PRKN: variants seen among roughly 807,000 people sequenced by gnomAD.
PRKN encodes the protein parkin RBR E3 ubiquitin protein ligase.
In PRKN, 56 loss-of-function variants were observed where a neutral mutation model predicts 59.5. The observed-to-expected ratio is 0.94, with a 90% CI of 0.76 to 1.18. The LOEUF is 1.18. Among genes scored for constraint, PRKN ranks in the 50% most tolerant of loss-of-function variants. The pLI, the probability that PRKN is intolerant of heterozygous loss-of-function variation, is 0.00. For missense variants in PRKN, 657 were observed against 596.4 expected (o/e 1.10, Z -1.06); for synonymous variants, 250 against 222.1 (o/e 1.13, Z -1.12).
At chr6:162,646,112 A>C (rs983683536) in intron 1 of PRKN, among the ~76,000 whole-genome samples, 1 of 151,216 alleles carries the variant, frequency 6.6e-6, no homozygotes, top group Admixed American at 6.6e-5. Flanking sequence ...GACCTCGTAA[A>C]CCGCCCGCCT....
At chr6:161,929,517 CTTTTT>C (rs759945931) in intron 6 of PRKN, among the ~76,000 whole-genome samples, 2 of 72,272 alleles carry the variant, frequency 2.8e-5, no homozygotes, top group Non-Finnish European at 5.0e-5. Context: ...AATTTCACCT[CTTTTT>C]TTTTTTTTTT....
At chr6:162,148,431 TA>T (rs1421399748) in intron 4 of PRKN, among the ~76,000 whole-genome samples, 1 of 151,292 alleles carries the variant, frequency 6.6e-6, no homozygotes, top group Admixed American at 6.6e-5. Flanking sequence ...GTGAGAAAAC[TA>T]AACTATCAAG....
At chr6:162,183,631 A>T (rs978303610) in intron 4 of PRKN, among the ~76,000 whole-genome samples, 5 of 152,190 alleles carry the variant, frequency 3.3e-5, no homozygotes, top group African/African-American at 1.2e-4. Flanking sequence ...TGGTGATAAA[A>T]CTATAAGTTG....
chr6:162,133,314 A>T (rs555358905), intron 4 of PRKN, among the ~76,000 whole-genome samples: 3 of 152,322 alleles, frequency 2.0e-5, no homozygotes, highest in Admixed American at 2.0e-4. Flanking sequence ...AGCGTCAGCA[A>T]CGCTGCTGAT....
intron 2 of PRKN, among the ~76,000 whole-genome samples, chr6:162,383,701 G>C (rs1370820847): frequency 6.6e-6 from 1 of 152,182 alleles, no homozygotes; most frequent in African/African-American, 2.4e-5. Context: ...TTGAAGCCAT[G>C]CATTGATTTT....
At chr6:162,504,249 C>A (rs1793507014) in intron 1 of PRKN, among the ~76,000 whole-genome samples, 1 of 152,184 alleles carries the variant, frequency 6.6e-6, no homozygotes, top group African/African-American at 2.4e-5. Context: ...GCTGAGCATA[C>A]TTGCTAATAC....
chr6:161,677,698 T>A (rs1562601048), intron 7 of PRKN, among the ~76,000 whole-genome samples: 2 of 152,158 alleles, frequency 1.3e-5, no homozygotes, highest in Admixed American at 6.5e-5. Flanking sequence ...GTTGAAATTT[T>A]AAAAAATTTC....
chr6:161,919,442 A>G (rs73024539), intron 6 of PRKN, among the ~76,000 whole-genome samples: 12,842 of 152,278 alleles, frequency 0.084, 842 homozygotes, highest in East Asian at 0.34. Context: ...TTGCCCAATT[A>G]TAAATGTGTA....
At position 161,674,157 on chromosome 6, in the gene PRKN, G is replaced by A. The variant is rs544120169; in HGVS notation, c.872-104741C>T. Among the ~76,000 whole-genome samples, 21 of 152,230 alleles carry A rather than the reference G, an allele frequency of 1.4e-4. No individual in the cohort carries two copies. In the South Asian group the frequency reaches 1.5e-3, roughly 11 times the overall value. On this transcript the variant is annotated intron_variant, in intron 7 of 11. Coordinates refer to ENST00000366898, the MANE Select transcript of PRKN (RefSeq NM_004562.3). ...AGACTAAGCCCCAGGGAATCACAAC[G>A]TTTAGACTGAGTTCTGGGCTGGGAG...
At chr6:162,219,082 T>C (rs1777823490) in intron 3 of PRKN, among the ~76,000 whole-genome samples, 1 of 152,142 alleles carries the variant, frequency 6.6e-6, no homozygotes, top group Non-Finnish European at 1.5e-5. Flanking sequence ...CCCAGCTACT[T>C]GGCAGGCTGA....
intron 9 of PRKN, among the ~76,000 whole-genome samples, chr6:161,478,962 A>G (rs1791257432): frequency 6.6e-6 from 1 of 152,268 alleles, no homozygotes; most frequent in Non-Finnish European, 1.5e-5. Flanking sequence ...TTAAACAAAT[A>G]ATGATATTTC....
chr6:161,872,677 A>G (rs1794390312), intron 6 of PRKN, among the ~76,000 whole-genome samples: 1 of 151,850 alleles, frequency 6.6e-6, no homozygotes, highest in Non-Finnish European at 1.5e-5. Context: ...CAGCTCCATA[A>G]AGTGTCCTAG....
At chr6:162,687,003 CTTTTTTA>C (rs1211245407) in intron 1 of PRKN, among the ~76,000 whole-genome samples, 1 of 151,722 alleles carries the variant, frequency 6.6e-6, no homozygotes, top group African/African-American at 2.4e-5. Context: ...TTAGGCTTTG[CTTTTTTA>C]TTTTTTATTT....
At chr6:162,426,736 C>G (rs1007976602) in intron 2 of PRKN, among the ~76,000 whole-genome samples, 2 of 152,212 alleles carry the variant, frequency 1.3e-5, no homozygotes, top group African/African-American at 4.8e-5. Flanking sequence ...CATGAGCCAC[C>G]ATACCCAGCC....
At chr6:161,523,101 G>T (rs1409085733) in intron 9 of PRKN, among the ~76,000 whole-genome samples, 3 of 151,834 alleles carry the variant, frequency 2.0e-5, no homozygotes, top group Admixed American at 6.6e-5. Flanking sequence ...TTATGTTTTG[G>T]TACATACTTT....
intron 1 of PRKN, among the ~76,000 whole-genome samples, chr6:162,467,801 C>A (rs1416650962): frequency 6.7e-6 from 1 of 150,152 alleles, no homozygotes; most frequent in African/African-American, 2.5e-5. Context: ...CCAGCCTCAA[C>A]CCCCTGTCAC....
intron 7 of PRKN, among the ~76,000 whole-genome samples, chr6:161,742,030 C>T (rs967970699): frequency 6.6e-5 from 10 of 152,026 alleles, no homozygotes; most frequent in African/African-American, 2.4e-4. Flanking sequence ...AGTGCAGTGG[C>T]ACGATCTTGG....
intron 7 of PRKN, among the ~76,000 whole-genome samples, chr6:161,611,216 T>A (rs965480334): frequency 6.6e-6 from 1 of 152,162 alleles, no homozygotes; most frequent in Non-Finnish European, 1.5e-5. Flanking sequence ...GTGGAAATAA[T>A]GTGAGTCTAT....
chr6:162,507,715 T>C (rs1048244386), intron 1 of PRKN, among the ~76,000 whole-genome samples: 6 of 152,184 alleles, frequency 3.9e-5, no homozygotes, highest in African/African-American at 1.4e-4. Flanking sequence ...ATTATTTGAG[T>C]GATCATTTGA....
Sources: allele counts gnomAD v4.1 joint callset (sites outside exome capture counted in the v4.1 genomes callset), GRCh38; gene constraint gnomAD v4.1.1; transcripts MANE v1.5; gene names NCBI Gene and HGNC (gene_info 2026-07-23, HGNC 2026-07-21).